Variants in ZGRF1 observed in about 807,000 individuals in gnomAD.
The protein encoded by ZGRF1 is zinc finger GRF-type containing 1, also known as 5'-3' DNA helicase ZGRF1.
Under a neutral mutation model 203.5 loss-of-function variants are expected in ZGRF1, and 196 were observed. The observed-to-expected ratio is 0.96, with a 90% CI of 0.86 to 1.08. The LOEUF is 1.08. Among genes scored for constraint, ZGRF1 ranks in the 50% least tolerant of loss-of-function variants. The pLI, the probability that ZGRF1 is intolerant of heterozygous loss-of-function variation, is 0.00. For synonymous variants in ZGRF1, 809 were observed against 841.3 expected (o/e 0.96, Z 0.66); for missense variants, 2,326 against 2,416.3 (o/e 0.96, Z 0.78).
At chr4:112,567,105 T>C (rs1041933202) in intron 16 of ZGRF1, among the ~76,000 whole-genome samples, 2 of 152,202 alleles carry the variant, frequency 1.3e-5, no homozygotes, top group African/African-American at 4.8e-5. Context: ...TTAATGTTGC[T>C]TTTTCCTTTT....
At chr4:112,565,245 G>A in intron 16 of ZGRF1, 1 of 1,593,790 alleles carries the variant, frequency 6.3e-7, no homozygotes, top group Non-Finnish European at 8.6e-7. Context: ...TGCACTTCCA[G>A]AGCGCAGCTA....
At chr4:112,613,245 G>C (rs2046753415) in intron 6 of ZGRF1, among the ~76,000 whole-genome samples, 1 of 152,140 alleles carries the variant, frequency 6.6e-6, no homozygotes, top group South Asian at 2.1e-4. Flanking sequence ...AGTGAGCTAA[G>C]ATCGCACCAC....
chr4:112,540,133 G>A lies in ZGRF1; in HGVS notation c.5911-9C>T, dbSNP rs1489855775. On this transcript the variant is annotated splice_polypyrimidine_tract_variant and intron_variant, in intron 26 of 27. Coordinates refer to ENST00000505019, the MANE Select transcript of ZGRF1 (RefSeq NM_018392.5). ...CTGAGTAAATGACAAAGCTGTGGAA[G>A]AAAAAACAGCAATCATGTAGTAAGA... The A allele has an allele frequency of 2.0e-6, 3 of 1,521,276 alleles. No homozygotes were observed. The highest frequency in any genetic ancestry group is 2.1e-5 in the Admixed American group (1 of 46,746). 94.2% of individuals were successfully genotyped at this position (1,521,276 alleles called of 1,614,324 possible). A position where few individuals can be genotyped will look rare whatever the true frequency, so the allele number is the denominator to read the frequency against.
intron 3 of ZGRF1, among the ~76,000 whole-genome samples, chr4:112,626,708 T>C (rs946786781): frequency 4.6e-5 from 7 of 152,232 alleles, no homozygotes. Context: ...ACTTCCAATC[T>C]ATACTAGTAG....
At chr4:112,608,455 C>A (rs1751087868) in intron 8 of ZGRF1, among the ~76,000 whole-genome samples, 1 of 151,946 alleles carries the variant, frequency 6.6e-6, no homozygotes, top group Non-Finnish European at 1.5e-5. Flanking sequence ...CCCATCTCTA[C>A]TAAAAAAATA....
At position 112,601,836 on chromosome 4, in the gene ZGRF1, A is replaced by G. The variant is rs536034116; in HGVS notation, c.2976+1688T>C. Among the ~76,000 whole-genome samples, 5 of 152,310 alleles carry G rather than the reference A, an allele frequency of 3.3e-5. No individual in the cohort carries two copies. In the South Asian group the frequency reaches 1.0e-3, roughly 32 times the overall value. ...AGGAAAGATATTTGCAAAGCATACA[A>G]CTGACAATGAGTAGGTATCCAAATT... On this transcript the variant is annotated intron_variant, in intron 10 of 27. Coordinates refer to ENST00000505019, the MANE Select transcript of ZGRF1 (RefSeq NM_018392.5).
rs760971943 is a variant in ZGRF1, at chr4:112,620,184, G to T, written c.169C>A (p.Pro57Thr). ...SLFLKCLEVK[P>T]GDDLESDRYL... ...CGATCACTTTCTAAGTCATCTCCAG[G>T]TTTCACCTGAAAGAATAAATGTCAA... The change falls in exon 5 of 28, where the codon CCT becomes ACT. Residue 57 changes from proline to threonine, a missense_variant. By Grantham distance (38) the Pro-to-Thr change is conservative. Coordinates refer to ENST00000505019, the MANE Select transcript of ZGRF1 (RefSeq NM_018392.5). The T allele has an allele frequency of 4.4e-6, 7 of 1,594,880 alleles. No individual in the cohort carries two copies. The Middle Eastern group carries it at 1.0e-3, about 230-fold the overall frequency.
At chr4:112,622,946 T>C (rs921010025) in intron 4 of ZGRF1, among the ~76,000 whole-genome samples, 1 of 152,172 alleles carries the variant, frequency 6.6e-6, no homozygotes, top group Non-Finnish European at 1.5e-5. Context: ...TACCCATTAT[T>C]TTTCCTGATC....
At chr4:112,619,746 A>G in intron 5 of ZGRF1, 56 bp from the exon 6 acceptor site, 1 of 1,342,266 alleles carries the variant, frequency 7.5e-7, no homozygotes. Context: ...AAAATGTGAA[A>G]TGAACTGGCT....
intron 22 of ZGRF1, among the ~76,000 whole-genome samples, chr4:112,550,896 G>A (rs890725734): frequency 1.3e-5 from 2 of 152,066 alleles, no homozygotes; most frequent in African/African-American, 4.8e-5. Flanking sequence ...GTACAGTAAT[G>A]TCCTAGGCTT....
At chr4:112,541,350 A>C in intron 24 of ZGRF1, 82 bp from the exon 25 acceptor site, 1 of 683,678 alleles carries the variant, frequency 1.5e-6, no homozygotes, top group South Asian at 3.0e-5. Context: ...AAAATTAAAA[A>C]TATCGCTATA....
chr4:112,601,976 C>G (rs6834424), intron 10 of ZGRF1, among the ~76,000 whole-genome samples: 1 of 152,194 alleles, frequency 6.6e-6, no homozygotes, highest in African/African-American at 2.4e-5. Context: ...AGGACGAGGC[C>G]GGCAGATCAC....
chr4:112,628,252 G>A (rs1052228441), intron 3 of ZGRF1, among the ~76,000 whole-genome samples: 10 of 152,094 alleles, frequency 6.6e-5, no homozygotes, highest in South Asian at 2.1e-4. Context: ...AGGTCTTTAC[G>A]TGTTACTTAT....
At chr4:112,597,545 T>G (rs568908057) in intron 10 of ZGRF1, among the ~76,000 whole-genome samples, 1 of 151,456 alleles carries the variant, frequency 6.6e-6, no homozygotes, top group Non-Finnish European at 1.5e-5. Flanking sequence ...ATAATAGTAA[T>G]AGTAATAATA....
chr4:112,630,907 G>A (rs544114654), intron 3 of ZGRF1, among the ~76,000 whole-genome samples: 67 of 151,108 alleles, frequency 4.4e-4, no homozygotes, highest in Admixed American at 2.2e-3. Context: ...AAAAAGAGAC[G>A]CAGTAGAATG....
intron 1 of ZGRF1, among the ~76,000 whole-genome samples, chr4:112,635,757 T>C (rs2047593933): frequency 6.6e-6 from 1 of 151,776 alleles, no homozygotes; most frequent in South Asian, 2.1e-4. Flanking sequence ...ATCAGTCTCA[T>C]AATCCTGAAG....
intron 22 of ZGRF1, among the ~76,000 whole-genome samples, chr4:112,551,013 G>GTA (rs1336142933): frequency 2.0e-5 from 3 of 152,074 alleles, no homozygotes; most frequent in African/African-American, 7.2e-5. Flanking sequence ...AAAAGCTATA[G>GTA]TATATATAGT....
At chr4:112,609,956 T>C (rs997058466) in intron 7 of ZGRF1, among the ~76,000 whole-genome samples, 2 of 151,810 alleles carry the variant, frequency 1.3e-5, no homozygotes, top group African/African-American at 2.4e-5. Flanking sequence ...CTGGGGAACA[T>C]AGTGAAACCC....
rs565218146 is a variant in ZGRF1, at chr4:112,540,067, C to T, written c.5968G>A (p.Val1990Met). Residue 1990 changes from valine to methionine, a missense_variant, in exon 27 of 28, where the codon GTG (valine) becomes ATG (methionine). By Grantham distance (21) the Val-to-Met change is conservative. Coordinates refer to ENST00000505019, the MANE Select transcript of ZGRF1 (RefSeq NM_018392.5). Reference protein sequence around the residue: ...FHHPDIKTVQVSTVDAFQGAE... With the variant: ...FHHPDIKTVQMSTVDAFQGAE... ...CCCTGAAAAGCATCTACTGTGGACA[C>T]CTGCACAGTTTTAATATCAGGATGG... 1 of 1,602,788 alleles carries T rather than the reference C, an allele frequency of 6.2e-7. No individual in the cohort carries two copies. The highest frequency in any genetic ancestry group is 2.2e-5 in the East Asian group (1 of 44,728).
Sources: allele counts gnomAD v4.1 joint callset (sites outside exome capture counted in the v4.1 genomes callset), GRCh38; gene constraint gnomAD v4.1.1; transcripts MANE v1.5; gene names NCBI Gene and HGNC (gene_info 2026-07-23, HGNC 2026-07-21).